Variants in ANTXR2 observed in about 807,000 individuals in gnomAD.
ANTXR2 encodes anthrax toxin receptor 2.
ANTXR2 carries 44 observed loss-of-function variants against 73.7 expected under a neutral mutation model. The observed-to-expected ratio is 0.60, with a 90% CI of 0.47 to 0.77. The LOEUF (loss-of-function observed/expected upper bound fraction) is 0.77. ANTXR2 is among the 30% of genes least tolerant of loss of function. ANTXR2 has a pLI of 0.00. For synonymous variants in ANTXR2, 217 were observed against 205.9 expected, an observed-to-expected ratio of 1.05 and a Z score of -0.46; for missense variants, 604 against 592.5, an observed-to-expected ratio of 1.02 and a Z score of -0.20.
At chr4:80,034,893 G>A (rs1389172849) in intron 8 of ANTXR2, among the ~76,000 whole-genome samples, 2 of 152,142 alleles carry the variant, frequency 1.3e-5, no homozygotes, top group African/African-American at 4.8e-5. Context: ...TCACTTGCAA[G>A]TTAAAATAAA....
rs543437957 is a variant in ANTXR2, at chr4:79,953,724, T to C, written c.1428+23897A>G. 7.2e-5 allele frequency among the ~76,000 whole-genome samples: 11 copies of C among 152,242 alleles called. No homozygotes were observed. In the South Asian group the frequency reaches 2.3e-3, roughly 32 times the overall value. On this transcript the variant is annotated intron_variant, in intron 16 of 16. Transcript: ENST00000403729. ...TTTTTTTAAGTAAAGTATATAACTT[T>C]ATAATTATTCTTAAGTTTTGGCCTC... is the stretch of plus-strand genomic sequence containing the variant.
rs540077854 is a variant in ANTXR2 at position 80,011,702 on chromosome 4, G to A, written c.946-3086C>T. On this transcript the variant is annotated intron_variant, in intron 11 of 16. Coordinates refer to ENST00000403729, the MANE Select transcript of ANTXR2 (RefSeq NM_058172.6). ...GTATCTGATTACGGGACTGAATTCT[G>A]TAGTGTTCCACATTTCCCCAATATG... Among the ~76,000 whole-genome samples, 375 of 152,116 alleles carry A rather than the reference G, an allele frequency of 2.5e-3. 2 individuals carry two copies. Among genetic ancestry groups the A allele is most frequent in the Non-Finnish European group, 4.3e-3 (292 of 68,010 alleles).
chr4:79,907,585 C>A, intron 16 of ANTXR2, 118 bp from the exon 17 acceptor site: 1 of 1,150,572 alleles, frequency 8.7e-7, no homozygotes, highest in Non-Finnish European at 1.3e-6. Context: ...ACCATGTTAA[C>A]TTGAGACATG....
chr4:80,048,094 A>G (rs920315208), intron 7 of ANTXR2, among the ~76,000 whole-genome samples: 2 of 151,674 alleles, frequency 1.3e-5, no homozygotes, highest in East Asian at 3.9e-4. Flanking sequence ...CATTTTATTT[A>G]TTTATCTAAT....
intron 9 of ANTXR2, among the ~76,000 whole-genome samples, chr4:80,033,183 T>C (rs1732781216): frequency 6.6e-6 from 1 of 151,990 alleles, no homozygotes; most frequent in Non-Finnish European, 1.5e-5. Context: ...CATTATTAGC[T>C]GTGTAACCAC....
chr4:79,955,006 C>A (rs1282746651), intron 16 of ANTXR2, among the ~76,000 whole-genome samples: 1 of 152,092 alleles, frequency 6.6e-6, no homozygotes, highest in African/African-American at 2.4e-5. Flanking sequence ...ATGACAAGAA[C>A]ACATTAGTAC....
intron 7 of ANTXR2, 25 bp downstream of exon 7, chr4:80,054,247 T>G: frequency 6.4e-7 from 1 of 1,556,744 alleles, no homozygotes. Flanking sequence ...TTATGAGCCC[T>G]TCCTGCCCCC....
At chr4:80,072,302 G>T in intron 1 of ANTXR2, 107 bp downstream of exon 1, 1 of 1,288,298 alleles carries the variant, frequency 7.8e-7, no homozygotes, top group Non-Finnish European at 1.0e-6. Context: ...CCCCTCCGCG[G>T]GTTTCCAACA....
In ANTXR2 at chr4:80,055,200, G is replaced by A. The variant is rs374723881; in HGVS notation, c.505C>T (p.Leu169Phe). The A allele has an allele frequency of 7.0e-6, 11 of 1,569,254 alleles. No individual in the cohort carries two copies. The highest frequency in any genetic ancestry group is 8.7e-6 in the Non-Finnish European group (10 of 1,155,560). The change falls in exon 6 of 17, where the codon CTT becomes TTT. Residue 169 changes from leucine to phenylalanine, a missense_variant. By Grantham distance (22) the Leu-to-Phe change is conservative (BLOSUM62 0). Transcript: ENST00000403729. ...CCAACACAATAAACACTAGCCCCAA[G>A]TGACCTGGATATCTTTGCCTATGGA... is the stretch of plus-strand genomic sequence containing the variant. ...AEKEAKISRS[L>F]GASVYCVGVL... is the part of the protein sequence containing the mutation.
intron 10 of ANTXR2, chr4:80,024,667 T>A (rs1399508463): frequency 4.4e-6 from 2 of 451,006 alleles, no homozygotes; most frequent in East Asian, 1.4e-4. Context: ...GAGGCTGAAG[T>A]AGGAGGATCA....
At chr4:79,946,887 T>C (rs1036019149) in intron 16 of ANTXR2, among the ~76,000 whole-genome samples, 1 of 152,150 alleles carries the variant, frequency 6.6e-6, no homozygotes, top group Admixed American at 6.6e-5. Context: ...CTAAGGGTAC[T>C]AATCCTAAAA....
intron 16 of ANTXR2, among the ~76,000 whole-genome samples, chr4:79,959,138 G>T (rs1173460833): frequency 6.6e-6 from 1 of 151,936 alleles, no homozygotes; most frequent in African/African-American, 2.4e-5. Context: ...AAAGGAAAAT[G>T]ATTGTGTTAT....
In ANTXR2 at chr4:79,928,153, A is replaced by G. The variant is rs78617009; in HGVS notation, c.1429-20686T>C. 2.8e-3 allele frequency among the ~76,000 whole-genome samples: 433 copies of G among 152,364 alleles called. 2 individuals carry two copies. The highest frequency in any genetic ancestry group is 4.6e-3 in the Non-Finnish European group (315 of 68,026). ...CTAATAGATAAAATGTGTCATATAC[A>G]TACAATGAAGTATTATTCAGTCTGA... On this transcript the variant is annotated intron_variant, in intron 16 of 16. Coordinates refer to ENST00000403729, the MANE Select transcript of ANTXR2 (RefSeq NM_058172.6).
At chr4:79,983,837 A>T (rs1729988669) in intron 14 of ANTXR2, 41 bp downstream of exon 14, 2 of 1,432,074 alleles carry the variant, frequency 1.4e-6, no homozygotes, top group Non-Finnish European at 2.0e-6. Flanking sequence ...AGAAATACAT[A>T]CTCCAGATTA....
chr4:80,066,505 A>G (rs531063447), intron 3 of ANTXR2, among the ~76,000 whole-genome samples: 80 of 152,370 alleles, frequency 5.3e-4, no homozygotes, highest in Middle Eastern at 3.4e-3. Context: ...TAGTGTTATT[A>G]AAATTCCTTT....
intron 3 of ANTXR2, among the ~76,000 whole-genome samples, chr4:80,061,088 T>C (rs1310550717): frequency 6.6e-6 from 1 of 152,140 alleles, no homozygotes; most frequent in Admixed American, 6.5e-5. Context: ...CATGGTGGTC[T>C]CAGAGTAGTC....
At chr4:80,045,269 A>AT (rs1443585277) in intron 7 of ANTXR2, among the ~76,000 whole-genome samples, 4 of 151,774 alleles carry the variant, frequency 2.6e-5, no homozygotes, top group African/African-American at 9.7e-5. Context: ...CTGTAATAAC[A>AT]TTTTTTAGGA....
chr4:79,977,587 T>C, intron 16 of ANTXR2, 34 bp downstream of exon 16: 1 of 1,556,042 alleles, frequency 6.4e-7, no homozygotes, highest in South Asian at 1.2e-5. Context: ...ACTCAAGCAG[T>C]TAGCTCTTTC....
chr4:80,046,509 G>T (rs891726083), intron 7 of ANTXR2, among the ~76,000 whole-genome samples: 9 of 151,710 alleles, frequency 5.9e-5, no homozygotes, highest in South Asian at 4.1e-4. Flanking sequence ...AGAATTTGAA[G>T]AAACTTGTTC....
Sources: gnomAD v4.1 joint callset for allele counts (sites outside exome capture counted in the v4.1 genomes callset) on GRCh38, gnomAD v4.1.1 for gene constraint, MANE v1.5 for transcripts, NCBI Gene and HGNC (gene_info 2026-07-23, HGNC 2026-07-21) for gene names.